The following WDR7 variants were observed in gnomAD, a reference collection of about 807,000 sequenced individuals.
The protein encoded by WDR7 is WD repeat domain 7, also known as WD repeat-containing protein 7.
A neutral mutation model predicts 169.4 loss-of-function variants in WDR7; 46 were observed. The ratio of observed to expected loss-of-function variants is 0.27; its 90% CI spans 0.21 to 0.35. The LOEUF is 0.35. Ranked by LOEUF, WDR7 falls within the 10% of genes least tolerant of loss-of-function variation. WDR7 has a pLI of 1.00. For missense variants in WDR7, 1,534 were observed against 1,859.3 expected (o/e 0.83, Z 3.22); for synonymous variants, 612 against 666.8 (o/e 0.92, Z 1.27).
intron 26 of WDR7, among the ~76,000 whole-genome samples, chr18:56,970,633 G>T (rs528931510): frequency 6.6e-6 from 1 of 152,070 alleles, no homozygotes. Flanking sequence ...TCCCCTGCGC[G>T]AGTGGGATAT....
intron 25 of WDR7, among the ~76,000 whole-genome samples, chr18:56,944,916 T>C (rs1039792890): frequency 5.9e-5 from 9 of 152,230 alleles, no homozygotes; most frequent in African/African-American, 1.9e-4. Context: ...TAGATAGTGA[T>C]ATTTATAGTG....
intron 20 of WDR7, among the ~76,000 whole-genome samples, chr18:56,819,395 T>C (rs1246422877): frequency 6.6e-6 from 1 of 152,132 alleles, no homozygotes; most frequent in Non-Finnish European, 1.5e-5. Context: ...TTTCTCTATC[T>C]CTCTTTTTAA....
At chr18:56,690,457 A>G (rs544501482) in intron 7 of WDR7, among the ~76,000 whole-genome samples, 2 of 152,294 alleles carry the variant, frequency 1.3e-5, no homozygotes, top group South Asian at 4.1e-4. Flanking sequence ...TGATGAAATA[A>G]TGTAGAGCAA....
chr18:56,918,444 T>C (rs1348824761), intron 21 of WDR7, among the ~76,000 whole-genome samples: 1 of 152,216 alleles, frequency 6.6e-6, no homozygotes, highest in Non-Finnish European at 1.5e-5. Flanking sequence ...GTCTTTTGGA[T>C]ATCATAGACT....
chr18:56,867,211 ATTT>A (rs1363962057), intron 20 of WDR7, among the ~76,000 whole-genome samples: 1 of 151,860 alleles, frequency 6.6e-6, no homozygotes, highest in East Asian at 1.9e-4. Context: ...TTTCTTTTGT[ATTT>A]TTAGTAGAAA....
Position 56,905,623 on chromosome 18 carries a change from C to CTA in WDR7, c.3527-18281_3527-18280dup, listed in dbSNP as rs10563010. 4.2e-3 allele frequency among the ~76,000 whole-genome samples: 619 copies of CTA among 147,048 alleles called. 6 individuals carry two copies. The highest frequency in any genetic ancestry group is 0.012 in the African/African-American group (491 of 40,396). ...AATTTTATTTATATTTATTATGAAA[C>CTA]TATATATATATATATATATCATATG... On this transcript the variant is annotated intron_variant, in intron 21 of 27. Coordinates refer to ENST00000254442, the MANE Select transcript of WDR7 (RefSeq NM_015285.3).
intron 20 of WDR7, among the ~76,000 whole-genome samples, chr18:56,869,616 T>G (rs920358077): frequency 2.0e-5 from 3 of 152,168 alleles, no homozygotes; most frequent in Non-Finnish European, 2.9e-5. Flanking sequence ...CACAGTAGCT[T>G]TGATAATAAT....
At chr18:56,893,759 AG>A (rs1338572596) in intron 21 of WDR7, among the ~76,000 whole-genome samples, 1 of 152,090 alleles carries the variant, frequency 6.6e-6, no homozygotes, top group Admixed American at 6.6e-5. Context: ...GGTTAGATGG[AG>A]ATGGCTCAGT....
At chr18:57,021,545 G>T (rs1657400) in intron 27 of WDR7, among the ~76,000 whole-genome samples, 1 of 152,064 alleles carries the variant, frequency 6.6e-6, no homozygotes, top group African/African-American at 2.4e-5. Flanking sequence ...AAGATCTCAC[G>T]TAGTCTTTGG....
rs551736884 is a variant in WDR7 at position 56,708,819 on chromosome 18, C to T, written c.1579-9145C>T. ...AGGCATGGTGGCATGTGCCTGTAATCCCAGCTACTTGAGAGACTGAGGTAG... is the reference window on the plus strand; with the variant it reads ...AGGCATGGTGGCATGTGCCTGTAATTCCAGCTACTTGAGAGACTGAGGTAG... On this transcript the variant is annotated intron_variant, in intron 12 of 27. Coordinates refer to ENST00000254442, the MANE Select transcript of WDR7 (RefSeq NM_015285.3). Among the ~76,000 whole-genome samples, 14 of 152,224 alleles carry T rather than the reference C, an allele frequency of 9.2e-5. No individual in the cohort carries two copies. In the South Asian group the frequency reaches 2.9e-3, roughly 32 times the overall value.
intron 26 of WDR7, among the ~76,000 whole-genome samples, chr18:56,974,321 CTTTCCT>C (rs775081880): frequency 1.7e-3 from 249 of 150,306 alleles, no homozygotes; most frequent in African/African-American, 4.8e-3. Context: ...TTCCCTTTTC[CTTTCCT>C]TTTCCTTTTC....
At chr18:56,726,779 T>A (rs2026466216) in intron 13 of WDR7, among the ~76,000 whole-genome samples, 1 of 152,110 alleles carries the variant, frequency 6.6e-6, no homozygotes. Context: ...TGGAACACCT[T>A]CCTGAGAACT....
intron 26 of WDR7, among the ~76,000 whole-genome samples, chr18:56,963,072 T>G (rs1426227375): frequency 1.3e-5 from 2 of 152,178 alleles, no homozygotes; most frequent in African/African-American, 4.8e-5. Context: ...CTTCACTGTT[T>G]GTGAAAAATT....
At chr18:56,716,948 T>G (rs1039452393) in intron 12 of WDR7, among the ~76,000 whole-genome samples, 1 of 152,206 alleles carries the variant, frequency 6.6e-6, no homozygotes, top group Non-Finnish European at 1.5e-5. Flanking sequence ...TATTGAGATA[T>G]TGATCTTTAG....
intron 19 of WDR7, among the ~76,000 whole-genome samples, chr18:56,805,393 G>A (rs912686389): frequency 6.6e-6 from 1 of 152,152 alleles, no homozygotes; most frequent in Non-Finnish European, 1.5e-5. Flanking sequence ...ACTGTTTTGG[G>A]ATTATGATTT....
chr18:56,691,484 ACTT>A (rs1337532894), intron 8 of WDR7, 123 bp downstream of exon 8: 11 of 1,181,570 alleles, frequency 9.3e-6, no homozygotes, highest in South Asian at 2.1e-5. Flanking sequence ...ACACTTCAGA[ACTT>A]CTTAAGTTAG....
intron 26 of WDR7, among the ~76,000 whole-genome samples, chr18:56,962,887 A>T (rs1347231043): frequency 2.0e-5 from 3 of 152,194 alleles, no homozygotes; most frequent in Non-Finnish European, 4.4e-5. Context: ...TTGAACAAAA[A>T]TTAATTTTCT....
At chr18:56,982,505 G>C (rs950273117) in intron 26 of WDR7, among the ~76,000 whole-genome samples, 1 of 152,186 alleles carries the variant, frequency 6.6e-6, no homozygotes, top group Non-Finnish European at 1.5e-5. Flanking sequence ...GAAGGCTCAT[G>C]AGCTTGAGCT....
At chr18:56,936,049 A>G (rs1016252193) in intron 23 of WDR7, 144 bp downstream of exon 23, 6 of 724,600 alleles carry the variant, frequency 8.3e-6, no homozygotes, top group Admixed American at 3.2e-5. Context: ...AAATGAACAC[A>G]TGTGTCTGTG....
Sources: allele counts gnomAD v4.1 joint callset (sites outside exome capture counted in the v4.1 genomes callset), GRCh38; gene constraint gnomAD v4.1.1; transcripts MANE v1.5; gene names NCBI Gene and HGNC (gene_info 2026-07-23, HGNC 2026-07-21).